The following ARK2N variants were observed in gnomAD, a reference collection of about 807,000 sequenced individuals.
The protein encoded by ARK2N is arkadia (RNF111) N-terminal like PKA signaling regulator 2N, also known as protein ARK2N.
the ARK2N span, among the ~76,000 whole-genome samples, chr18:46,258,914 T>C: frequency 6.6e-6 from 1 of 152,166 alleles, no homozygotes; most frequent in South Asian, 2.1e-4. Context: ...TTTTTTTCCC[T>C]ATCTGGTATA....
At chr18:46,190,550 A>C in the ARK2N span, among the ~76,000 whole-genome samples, 2 of 152,080 alleles carry the variant, frequency 1.3e-5, no homozygotes, top group African/African-American at 4.8e-5. Context: ...TATGTGGTAA[A>C]ACATTCATCA....
chr18:46,189,699 T>A, the ARK2N span, among the ~76,000 whole-genome samples: 3 of 152,096 alleles, frequency 2.0e-5, no homozygotes, highest in Admixed American at 6.6e-5. Context: ...AGTGAAATCC[T>A]TGTTTCTATA....
chr18:46,196,878 T>C, the ARK2N span, among the ~76,000 whole-genome samples: 1 of 152,174 alleles, frequency 6.6e-6, no homozygotes, highest in Admixed American at 6.5e-5. Context: ...CCTCAGATTC[T>C]TTCCATTTGA....
chr18:46,253,451 C>T, the ARK2N span, among the ~76,000 whole-genome samples: 4 of 152,098 alleles, frequency 2.6e-5, no homozygotes, highest in Non-Finnish European at 4.4e-5. Flanking sequence ...GAGTGAGAGA[C>T]TTTGAGTTCA....
At chr18:46,210,013 T>C in the ARK2N span, among the ~76,000 whole-genome samples, 1 of 152,214 alleles carries the variant, frequency 6.6e-6, no homozygotes. Context: ...AAATCTCAAC[T>C]TGCCTTTACC....
the ARK2N span, chr18:46,253,579 C>T: frequency 7.7e-7 from 1 of 1,299,562 alleles, no homozygotes; most frequent in Non-Finnish European, 1.1e-6. Flanking sequence ...CAAGCTCTCA[C>T]AGGGTGATTC....
the ARK2N span, among the ~76,000 whole-genome samples, chr18:46,199,706 G>C: frequency 6.6e-6 from 1 of 151,968 alleles, no homozygotes; most frequent in Non-Finnish European, 1.5e-5. Flanking sequence ...CTTATCTGTT[G>C]AGTCACCTCA....
At chr18:46,235,974 G>A in the ARK2N span, among the ~76,000 whole-genome samples, 1 of 152,310 alleles carries the variant, frequency 6.6e-6, no homozygotes, top group African/African-American at 2.4e-5. Flanking sequence ...GGTCATAAGA[G>A]GGTAGACCTC....
At chr18:46,227,262 G>A in the ARK2N span, among the ~76,000 whole-genome samples, 164 of 152,196 alleles carry the variant, frequency 1.1e-3, no homozygotes, top group African/African-American at 3.1e-3. Flanking sequence ...ATTTAGAGTC[G>A]TATATAAACA....
At chr18:46,195,125 A>G in the ARK2N span, among the ~76,000 whole-genome samples, 1 of 151,866 alleles carries the variant, frequency 6.6e-6, no homozygotes, top group Non-Finnish European at 1.5e-5. Context: ...CAAAGACTTT[A>G]AAATATACAC....
At chr18:46,251,781 G>A in the ARK2N span, among the ~76,000 whole-genome samples, 8 of 152,288 alleles carry the variant, frequency 5.3e-5, 1 homozygote, top group African/African-American at 1.9e-4. Context: ...TAAAGGCTAA[G>A]GAGTAAATTA....
At chr18:46,206,392 A>G in the ARK2N span, among the ~76,000 whole-genome samples, 1 of 152,094 alleles carries the variant, frequency 6.6e-6, no homozygotes, top group East Asian at 1.9e-4. Context: ...CTGTACCACC[A>G]AACTTTTTAC....
At chr18:46,174,616 T>C in the ARK2N span, among the ~76,000 whole-genome samples, 1 of 151,980 alleles carries the variant, frequency 6.6e-6, no homozygotes, top group Non-Finnish European at 1.5e-5. Context: ...GCTCCGGCAC[T>C]CCAAGCCCCC....
the ARK2N span, among the ~76,000 whole-genome samples, chr18:46,193,591 G>GTTTT: frequency 8.7e-5 from 8 of 92,384 alleles, no homozygotes; most frequent in Non-Finnish European, 8.3e-5. Context: ...GCCCAGCCGG[G>GTTTT]TTTTTTTTTT....
At chr18:46,190,631 T>A in the ARK2N span, among the ~76,000 whole-genome samples, 24 of 152,098 alleles carry the variant, frequency 1.6e-4, no homozygotes, top group African/African-American at 5.3e-4. Context: ...CTACATCTTT[T>A]AAAAAAATTT....
chr18:46,216,048 C>A, the ARK2N span: 1 of 1,614,036 alleles, frequency 6.2e-7, no homozygotes, highest in East Asian at 2.2e-5. The surrounding 1 kb of genome is among the most constrained non-coding windows in gnomAD (Gnocchi z 4.3). Context: ...CTTCAATGCC[C>A]TGCTTGTTGA....
the ARK2N span, among the ~76,000 whole-genome samples, chr18:46,236,891 T>A: frequency 6.6e-6 from 1 of 150,658 alleles, no homozygotes; most frequent in African/African-American, 2.4e-5. Flanking sequence ...TGAGATGGAA[T>A]CTTGCTCTGT....
chr18:46,255,951 A>G, the ARK2N span, among the ~76,000 whole-genome samples: 1,275 of 152,062 alleles, frequency 8.4e-3, 53 homozygotes, highest in East Asian at 0.12. Context: ...CTTCCTTTAC[A>G]TCAGCAAATT....
chr18:46,259,424 A>G, the ARK2N span, among the ~76,000 whole-genome samples: 2 of 151,256 alleles, frequency 1.3e-5, no homozygotes, highest in Admixed American at 1.3e-4. Flanking sequence ...TTGTATTTTT[A>G]GTAGAGACGG....
Sources: allele counts gnomAD v4.1 joint callset (sites outside exome capture counted in the v4.1 genomes callset), GRCh38; gene constraint gnomAD v4.1.1; non-coding constraint Gnocchi (gnomAD v3.1); transcripts MANE v1.5; gene names NCBI Gene and HGNC (gene_info 2026-07-23, HGNC 2026-07-21).